The following TMEM63C variants were observed in gnomAD, a reference collection of about 807,000 sequenced individuals.
TMEM63C encodes transmembrane protein 63C, also known as osmosensitive cation channel TMEM63C.
In TMEM63C, 32 loss-of-function variants were observed where a neutral mutation model predicts 99.2. The ratio of observed to expected loss-of-function variants is 0.32; its 90% CI spans 0.24 to 0.43. TMEM63C has a LOEUF of 0.43. Ranked by LOEUF, TMEM63C falls within the 20% of genes least tolerant of loss-of-function variation. The pLI, the probability that TMEM63C is intolerant of heterozygous loss-of-function variation, is 1.00. For synonymous variants in TMEM63C, 376 were observed against 397.9 expected, an observed-to-expected ratio of 0.94 and a Z score of 0.66; for missense variants, 826 against 1,053.0, an observed-to-expected ratio of 0.78 and a Z score of 2.98.
chr14:77,249,878 A>G (rs1299759263), intron 21 of TMEM63C, among the ~76,000 whole-genome samples: 1 of 152,212 alleles, frequency 6.6e-6, no homozygotes, highest in Non-Finnish European at 1.5e-5. Flanking sequence ...TCTGTCGTCT[A>G]GACTGAAGTA....
At chr14:77,235,192 C>T (rs1372740497) in intron 8 of TMEM63C, among the ~76,000 whole-genome samples, 2 of 151,784 alleles carry the variant, frequency 1.3e-5, no homozygotes, top group Non-Finnish European at 2.9e-5. Context: ...TTTCTCACCA[C>T]TGATGCCCCT....
chr14:77,209,427 C>G (rs1888458448), intron 1 of TMEM63C, among the ~76,000 whole-genome samples: 1 of 152,164 alleles, frequency 6.6e-6, no homozygotes, highest in Admixed American at 6.5e-5. Context: ...GAGTGTGTCT[C>G]TGGGTAAAGG....
At chr14:77,204,435 T>C (rs1408749187) in intron 1 of TMEM63C, among the ~76,000 whole-genome samples, 6 of 152,174 alleles carry the variant, frequency 3.9e-5, no homozygotes, top group Admixed American at 3.9e-4. Context: ...TTAAGTTAGA[T>C]GATTTGTAAG....
intron 1 of TMEM63C, among the ~76,000 whole-genome samples, chr14:77,184,147 C>G (rs1345126469): frequency 6.6e-6 from 1 of 152,046 alleles, no homozygotes; most frequent in African/African-American, 2.4e-5. Context: ...TAGGTGGAAG[C>G]CATCTGTTTC....
At chr14:77,220,190 C>A in intron 5 of TMEM63C, 103 bp downstream of exon 5, 1 of 1,115,736 alleles carries the variant, frequency 9.0e-7, no homozygotes, top group Non-Finnish European at 1.3e-6. Flanking sequence ...GCTTTGTAAT[C>A]AGCCAGCCTC....
chr14:77,186,805 G>GTGTGTGTGTGTGTGTGTC (rs1888006225), intron 1 of TMEM63C, among the ~76,000 whole-genome samples: 4 of 150,710 alleles, frequency 2.7e-5, no homozygotes, highest in African/African-American at 9.8e-5. Context: ...GTGTGTCTGT[G>GTGTGTGTGTGTGTGTGTC]TGTGTGTGTG....
Position 77,231,666 on chromosome 14 carries a change from G to T in TMEM63C, c.429G>T (p.Val143=), listed in dbSNP as rs886654373. 5.5e-5 allele frequency: 86 copies of T among 1,551,482 alleles called. No homozygotes were observed. The highest frequency in any genetic ancestry group is 7.1e-5 in the Non-Finnish European group (82 of 1,146,982). The change falls in exon 7 of 24, where the codon GTG becomes GTT. Residue 143 remains valine, a synonymous_variant. Transcript: ENST00000298351. Reference sequence around the variant, plus strand: ...TCCAGTACCACCTCATCATCTTTGTGCTCATCATCTGTATCCCCTCCCTGG... The same window carrying T: ...TCCAGTACCACCTCATCATCTTTGTTCTCATCATCTGTATCCCCTCCCTGG... The part of the protein sequence containing the change: ...IVFQYHLIIF[V]LIICIPSLGI...
At chr14:77,225,315 C>T (rs920829898) in intron 5 of TMEM63C, 109 bp from the exon 6 acceptor site, 29 of 930,742 alleles carry the variant, frequency 3.1e-5, no homozygotes, top group Non-Finnish European at 4.4e-5. Flanking sequence ...GAAGGAGGCC[C>T]CGGACGCTGC....
At chr14:77,189,190 G>A (rs1888057756) in intron 1 of TMEM63C, among the ~76,000 whole-genome samples, 1 of 150,832 alleles carries the variant, frequency 6.6e-6, no homozygotes. Context: ...ACTCATTGCT[G>A]CCTTCACTTT....
At chr14:77,253,034 G>A (rs974418664) in intron 22 of TMEM63C, among the ~76,000 whole-genome samples, 4 of 152,242 alleles carry the variant, frequency 2.6e-5, no homozygotes, top group Non-Finnish European at 4.4e-5. Flanking sequence ...AGTCAAAGCA[G>A]GCTCATCTTT....
In TMEM63C at chr14:77,248,389, C is replaced by T. The variant is rs61736609; in HGVS notation, c.1644C>T (p.Tyr548=). ...ACAACGGCGCCTTCTTTGTCAACTA[C>T]GTGATCACGGCAGCTTTACTTGGCA... ...LPDNGAFFVN[Y]VITAALLGTG... is the part of the protein sequence containing the mutation. Residue 548 remains tyrosine (Y), a synonymous_variant, in exon 19 of 24, where the codon TAC becomes TAT. Transcript: ENST00000298351. 4.7e-3 allele frequency: 7,623 copies of T among 1,610,794 alleles called. 286 individuals carry two copies. The African/African-American group carries it at 0.086, about 18-fold the overall frequency.
At chr14:77,218,209 C>A in intron 2 of TMEM63C, among the ~76,000 whole-genome samples, 1 of 143,324 alleles carries the variant, frequency 7.0e-6, no homozygotes, top group African/African-American at 2.6e-5. Flanking sequence ...ATATATACAC[C>A]TACTATGTAC....
chr14:77,202,239 CACAA>C (rs10577871), intron 1 of TMEM63C, among the ~76,000 whole-genome samples: 41,379 of 151,900 alleles, frequency 0.27, 6,012 homozygotes, highest in Admixed American at 0.39. Flanking sequence ...AAACTATAAT[CACAA>C]ACACATTCCT....
intron 10 of TMEM63C, 29 bp downstream of exon 10, chr14:77,238,796 G>C: frequency 6.3e-7 from 1 of 1,587,550 alleles, no homozygotes; most frequent in Non-Finnish European, 8.6e-7. Context: ...GCCAAGGCGT[G>C]GATTGCTTCC....
intron 2 of TMEM63C, among the ~76,000 whole-genome samples, chr14:77,218,336 T>C (rs961398534): frequency 1.3e-5 from 2 of 152,072 alleles, no homozygotes; most frequent in African/African-American, 4.8e-5. Context: ...GCATCAGAGA[T>C]TGCTGAATGC....
In TMEM63C at chr14:77,257,973, C is replaced by G. The variant is rs1015111293; in HGVS notation, c.*1247C>G. On this transcript the variant is annotated 3_prime_UTR_variant, in exon 24 of 24. Coordinates refer to ENST00000298351, the MANE Select transcript of TMEM63C (RefSeq NM_020431.4). ...TTTCTGGAGAAGCAAGGCTGTCCTC[C>G]CAGGGCTGCCACTACCAGAGACCTG... 6.6e-6 allele frequency: 1 copy of G among 152,254 alleles called. No homozygotes were observed. The highest frequency in any genetic ancestry group is 2.4e-5 in the African/African-American group (1 of 41,444). The allele number at this position is 152,254 out of a possible 1,614,324, so 9.4% of individuals were successfully genotyped here.
chr14:77,229,918 G>T (rs756210182), intron 6 of TMEM63C, among the ~76,000 whole-genome samples: 8 of 151,770 alleles, frequency 5.3e-5, no homozygotes, highest in Non-Finnish European at 1.0e-4. Context: ...TGTACAGCTC[G>T]GCCCGGCATG....
Position 77,243,136 on chromosome 14 carries a change from C to G in TMEM63C, c.1341+80C>G, listed in dbSNP as rs534745346. 2.3e-4 allele frequency: 350 copies of G among 1,509,330 alleles called. 3 individuals carry two copies. In the African/African-American group the frequency reaches 2.6e-3, roughly 11 times the overall value. The allele number at this position is 1,509,330 out of a possible 1,614,324, so 93.5% of individuals were successfully genotyped here. ...TCAGGCGAGGATGGGATGGGGGGAG[C>G]CCCCTGGGAGGGGGCTGTGGAGCCC... On this transcript the variant is annotated intron_variant, in intron 15 of 23. Transcript: ENST00000298351.
At chr14:77,219,037 G>A in intron 3 of TMEM63C, 74 bp downstream of exon 3, 2 of 1,407,756 alleles carry the variant, frequency 1.4e-6, no homozygotes, top group Non-Finnish European at 1.9e-6. Context: ...TGATGCAGTG[G>A]GGGACCCAGT....
Sources: allele counts gnomAD v4.1 joint callset (sites outside exome capture counted in the v4.1 genomes callset), GRCh38; gene constraint gnomAD v4.1.1; transcripts MANE v1.5; gene names NCBI Gene and HGNC (gene_info 2026-07-23, HGNC 2026-07-21).